TMEM132D: variants seen among roughly 807,000 people sequenced by gnomAD.
The protein encoded by TMEM132D is mature OL transmembrane protein.
A neutral mutation model predicts 62.3 loss-of-function variants in TMEM132D; 21 were observed. The observed-to-expected ratio is 0.34, with a 90% CI of 0.24 to 0.49. The LOEUF (loss-of-function observed/expected upper bound fraction) is 0.49. Among genes scored for constraint, TMEM132D ranks in the 20% least tolerant of loss-of-function variants. The probability of loss-of-function intolerance (pLI) is 0.99; values close to 1 mark genes in which losing one functional copy is unlikely to be tolerated. For missense variants in TMEM132D, 1,346 were observed against 1,402.8 expected (o/e 0.96, Z 0.65); for synonymous variants, 621 against 575.6 (o/e 1.08, Z -1.13).
chr12:129,568,110 C>G (rs1877417500), intron 2 of TMEM132D, among the ~76,000 whole-genome samples: 1 of 152,222 alleles, frequency 6.6e-6, no homozygotes, highest in African/African-American at 2.4e-5. Flanking sequence ...ATGGAAACTG[C>G]TTGGGTGGCA....
At chr12:129,471,580 T>G (rs541235300) in intron 3 of TMEM132D, among the ~76,000 whole-genome samples, 9 of 151,108 alleles carry the variant, frequency 6.0e-5, no homozygotes, top group African/African-American at 1.7e-4. Context: ...CAATGGCCTC[T>G]AAGTGTTCCA....
chr12:129,801,254 C>G (rs1310194701), intron 1 of TMEM132D, among the ~76,000 whole-genome samples: 1 of 152,226 alleles, frequency 6.6e-6, no homozygotes, highest in Non-Finnish European at 1.5e-5. Flanking sequence ...GTAGGCTCCA[C>G]CTCTGGGGGC....
intron 5 of TMEM132D, among the ~76,000 whole-genome samples, chr12:129,167,417 C>T (rs1490009252): frequency 6.6e-6 from 1 of 152,110 alleles, no homozygotes; most frequent in African/African-American, 2.4e-5. Flanking sequence ...GTAGCTGGCA[C>T]CTAAAACCAG....
intron 7 of TMEM132D, 75 bp from the exon 8 acceptor site, chr12:129,078,800 G>A (rs1489449130): frequency 1.5e-5 from 23 of 1,523,620 alleles, no homozygotes; most frequent in Admixed American, 8.6e-5. Context: ...AGGAGGAAGT[G>A]CCAGTGTGCA....
chr12:129,495,594 C>A (rs1300811668), intron 3 of TMEM132D, among the ~76,000 whole-genome samples: 1 of 152,180 alleles, frequency 6.6e-6, no homozygotes, highest in Non-Finnish European at 1.5e-5. Flanking sequence ...CATGAGTGAG[C>A]TGACAGAAGG....
intron 1 of TMEM132D, among the ~76,000 whole-genome samples, chr12:129,874,374 C>T (rs11060598): frequency 0.27 from 40,650 of 151,856 alleles, 6,110 homozygotes; most frequent in South Asian, 0.37. Context: ...CATACCACTG[C>T]ACTTCAGCCT....
chr12:129,538,226 A>G (rs561657770), intron 2 of TMEM132D, among the ~76,000 whole-genome samples: 37 of 152,266 alleles, frequency 2.4e-4, no homozygotes, highest in African/African-American at 8.9e-4. Context: ...AAACTCCCGA[A>G]CTTCCATCAC....
intron 3 of TMEM132D, among the ~76,000 whole-genome samples, chr12:129,492,417 A>G (rs902245252): frequency 1.3e-5 from 2 of 152,250 alleles, no homozygotes; most frequent in African/African-American, 4.8e-5. Context: ...AAGTACACTT[A>G]AATATATAGT....
chr12:129,877,695 C>T (rs1317090023), intron 1 of TMEM132D, among the ~76,000 whole-genome samples: 1 of 151,862 alleles, frequency 6.6e-6, no homozygotes, highest in African/African-American at 2.4e-5. Flanking sequence ...CTCTAGAGAG[C>T]TCTTAGGCAG....
chr12:129,413,265 G>T (rs1000524991), intron 3 of TMEM132D, among the ~76,000 whole-genome samples: 1 of 152,124 alleles, frequency 6.6e-6, no homozygotes, highest in Non-Finnish European at 1.5e-5. Context: ...TCTTGTGGTA[G>T]TGAATAAGTC....
chr12:129,666,147 T>G (rs1880373949), intron 2 of TMEM132D, among the ~76,000 whole-genome samples: 1 of 152,190 alleles, frequency 6.6e-6, no homozygotes, highest in African/African-American at 2.4e-5. Context: ...CCCTTAATTT[T>G]GGGGATCTGT....
intron 2 of TMEM132D, among the ~76,000 whole-genome samples, chr12:129,605,073 A>G (rs1017248798): frequency 5.3e-5 from 8 of 152,294 alleles, no homozygotes; most frequent in Admixed American, 2.6e-4. Flanking sequence ...CCTTAAAAAT[A>G]TACTAGTGAT....
intron 3 of TMEM132D, among the ~76,000 whole-genome samples, chr12:129,446,956 C>T (rs1873116230): frequency 6.6e-6 from 1 of 152,282 alleles, no homozygotes; most frequent in African/African-American, 2.4e-5. Context: ...AGCAAAGTCC[C>T]CAAGCGGACC....
chr12:129,178,524 A>T (rs1176816898), intron 5 of TMEM132D, among the ~76,000 whole-genome samples: 1 of 151,418 alleles, frequency 6.6e-6, no homozygotes, highest in Non-Finnish European at 1.5e-5. Flanking sequence ...CATTTCTCTA[A>T]TGGAGATCTC....
intron 3 of TMEM132D, among the ~76,000 whole-genome samples, chr12:129,377,094 T>A (rs1248080601): frequency 6.6e-6 from 1 of 152,140 alleles, no homozygotes; most frequent in Non-Finnish European, 1.5e-5. Flanking sequence ...TGTGTCTCAG[T>A]TTACCTTTTT....
At chr12:129,196,813 T>C (rs888352045) in intron 5 of TMEM132D, among the ~76,000 whole-genome samples, 4 of 152,218 alleles carry the variant, frequency 2.6e-5, no homozygotes, top group Admixed American at 6.5e-5. Context: ...GGAATTGATA[T>C]ATACAATCTC....
At chr12:129,899,504 G>A (rs546848249) in intron 1 of TMEM132D, among the ~76,000 whole-genome samples, 7 of 152,100 alleles carry the variant, frequency 4.6e-5, no homozygotes, top group East Asian at 1.9e-4. Flanking sequence ...ATGGATGGAC[G>A]GATGAATGAA....
chr12:129,805,147 C>T (rs1057057425), intron 1 of TMEM132D, among the ~76,000 whole-genome samples: 6 of 151,388 alleles, frequency 4.0e-5, no homozygotes, highest in African/African-American at 1.5e-4. Context: ...ATGTCATCCC[C>T]ATCAAGCTAC....
At chr12:129,123,270 T>G (rs1256367125) in intron 5 of TMEM132D, among the ~76,000 whole-genome samples, 1 of 152,212 alleles carries the variant, frequency 6.6e-6, no homozygotes, top group East Asian at 1.9e-4. Context: ...TTGTGTTATA[T>G]TTTATATATT....
Sources: gnomAD v4.1 joint callset for allele counts (sites outside exome capture counted in the v4.1 genomes callset) on GRCh38, gnomAD v4.1.1 for gene constraint, MANE v1.5 for transcripts, NCBI Gene and HGNC (gene_info 2026-07-23, HGNC 2026-07-21) for gene names.